The following APLF variants were observed in gnomAD, a reference collection of about 807,000 sequenced individuals.
The protein encoded by APLF is aprataxin and PNK-like factor.
Under a neutral mutation model 55.6 loss-of-function variants are expected in APLF, and 61 were observed. That is an observed-to-expected ratio of 1.10 (90% CI 0.89 to 1.36). The LOEUF is 1.36. Ranked by LOEUF, APLF falls within the 40% of genes most tolerant of loss-of-function variation. APLF has a pLI of 0.00. For missense variants in APLF, 611 were observed against 602.5 expected (o/e 1.01, Z -0.15); for synonymous variants, 207 against 214.8 (o/e 0.96, Z 0.32).
chr2:68,485,075 C>A (rs1179898038), intron 1 of APLF, among the ~76,000 whole-genome samples: 1 of 151,818 alleles, frequency 6.6e-6, no homozygotes, highest in African/African-American at 2.4e-5. Flanking sequence ...CACCTAAGAA[C>A]AAGGACATTT....
intron 8 of APLF, among the ~76,000 whole-genome samples, chr2:68,549,139 C>CAT (rs1670788895): frequency 6.6e-6 from 1 of 151,896 alleles, no homozygotes. Flanking sequence ...AAAAGATGGC[C>CAT]ATGTCTCTTA....
At position 68,571,507 on chromosome 2, in the gene APLF, A is replaced by G. The variant is rs527511835; in HGVS notation, c.1333+4120A>G. ...GGAAGGGATCCAGTTTCAGCTTTCTACATATGGCTAGCCAGTTTTCCCAGC... is the reference window on the plus strand; with the variant it reads ...GGAAGGGATCCAGTTTCAGCTTTCTGCATATGGCTAGCCAGTTTTCCCAGC... On this transcript the variant is annotated intron_variant, in intron 9 of 9. Transcript: ENST00000303795. 6.6e-5 allele frequency among the ~76,000 whole-genome samples: 10 copies of G among 152,218 alleles called. No homozygotes were observed. The East Asian group carries it at 1.5e-3, about 23-fold the overall frequency.
intron 1 of APLF, among the ~76,000 whole-genome samples, chr2:68,488,329 CTTTTT>C (rs60462016): frequency 7.8e-6 from 1 of 128,858 alleles, no homozygotes. Flanking sequence ...CATTTATTAT[CTTTTT>C]TTTTTTTTTT....
intron 8 of APLF, among the ~76,000 whole-genome samples, chr2:68,556,165 A>G (rs1671002245): frequency 6.6e-6 from 1 of 152,198 alleles, no homozygotes; most frequent in Admixed American, 6.5e-5. Context: ...GCAAAGGCAT[A>G]AGAAAGAAAG....
chr2:68,517,680 ATATGT>A (rs1226425235), intron 5 of APLF, among the ~76,000 whole-genome samples: 103 of 145,212 alleles, frequency 7.1e-4, no homozygotes, highest in African/African-American at 2.4e-3. Flanking sequence ...TATATCACTA[ATATGT>A]TATTAACATG....
intron 8 of APLF, among the ~76,000 whole-genome samples, chr2:68,561,359 C>T (rs556055334): frequency 3.9e-5 from 6 of 152,090 alleles, no homozygotes; most frequent in Non-Finnish European, 5.9e-5. Context: ...CTCTCCTGAT[C>T]TTGAAATCTG....
At chr2:68,534,897 C>A (rs1451881976) in intron 6 of APLF, among the ~76,000 whole-genome samples, 1 of 152,182 alleles carries the variant, frequency 6.6e-6, no homozygotes, top group African/African-American at 2.4e-5. Flanking sequence ...TATGTCTCAG[C>A]AAACTTACAA....
rs114394300 is a variant in APLF at position 68,539,768 on chromosome 2, C to G, written c.1160+1541C>G. ...ACTTCTTCAGTTTAATCAAGAATAT[C>G]TACAGAAACCAACAGCTAACTTCAT... On this transcript the variant is annotated intron_variant, in intron 7 of 9. Transcript: ENST00000303795. Among the ~76,000 whole-genome samples, 835 of 152,142 alleles carry G rather than the reference C, an allele frequency of 5.5e-3. 4 individuals are homozygous for G. The highest frequency in any genetic ancestry group is 0.019 in the African/African-American group (798 of 41,490).
chr2:68,468,104 C>T (rs775157066), intron 1 of APLF, among the ~76,000 whole-genome samples: 1 of 152,202 alleles, frequency 6.6e-6, no homozygotes, highest in Non-Finnish European at 1.5e-5. Context: ...GTTTGTATGG[C>T]CCCATGAACT....
intron 1 of APLF, among the ~76,000 whole-genome samples, chr2:68,485,971 C>A (rs1407837728): frequency 6.6e-6 from 1 of 151,900 alleles, no homozygotes; most frequent in Non-Finnish European, 1.5e-5. Flanking sequence ...ACATGCCACC[C>A]TGTCCAACTA....
At chr2:68,568,162 G>A (rs1203839604) in intron 9 of APLF, 1 of 551,386 alleles carries the variant, frequency 1.8e-6, no homozygotes, top group African/African-American at 2.1e-5. Flanking sequence ...TTTACCTTCT[G>A]TTTGTTATGC....
chr2:68,559,025 A>G (rs1211071584), intron 8 of APLF, among the ~76,000 whole-genome samples: 4 of 152,216 alleles, frequency 2.6e-5, no homozygotes, highest in African/African-American at 7.2e-5. Flanking sequence ...GTTAATCTTT[A>G]GGTACTTCTT....
chr2:68,564,106 A>T (rs1338181637), intron 8 of APLF, among the ~76,000 whole-genome samples: 1 of 152,026 alleles, frequency 6.6e-6, no homozygotes, highest in East Asian at 1.9e-4. Flanking sequence ...TCCGTTCCTG[A>T]TGCCCAGCAC....
At chr2:68,490,820 A>C (rs1030887215) in intron 2 of APLF, among the ~76,000 whole-genome samples, 10 of 152,196 alleles carry the variant, frequency 6.6e-5, no homozygotes, top group Non-Finnish European at 1.5e-4. Context: ...AAGAATATAC[A>C]ATGTGATTAT....
At chr2:68,558,994 T>A (rs1476799424) in intron 8 of APLF, among the ~76,000 whole-genome samples, 1 of 152,206 alleles carries the variant, frequency 6.6e-6, no homozygotes, top group African/African-American at 2.4e-5. Context: ...ACTATTATTC[T>A]GTTGTTGCTA....
At chr2:68,539,304 CAG>C (rs763524367) in intron 7 of APLF, among the ~76,000 whole-genome samples, 4 of 152,142 alleles carry the variant, frequency 2.6e-5, no homozygotes, top group Non-Finnish European at 2.9e-5. Context: ...GCTTAAAAAA[CAG>C]AAATGTATTT....
intron 8 of APLF, among the ~76,000 whole-genome samples, chr2:68,566,690 A>C (rs1374876430): frequency 2.6e-5 from 4 of 152,094 alleles, no homozygotes; most frequent in African/African-American, 9.7e-5. Context: ...TATTTGGAGA[A>C]TGTCTTGTAC....
chr2:68,484,109 T>TCAC (rs1676054150), intron 1 of APLF, among the ~76,000 whole-genome samples: 1 of 152,156 alleles, frequency 6.6e-6, no homozygotes, highest in Admixed American at 6.5e-5. Context: ...TTTCTGCTCA[T>TCAC]CACATAAGAA....
Position 68,467,628 on chromosome 2 carries a change from C to T in APLF, c.-104C>T, listed in dbSNP as rs1675468484. 2.1e-6 allele frequency: 2 copies of T among 963,538 alleles called. No individual in the cohort carries two copies. The highest frequency in any genetic ancestry group is 4.3e-5 in the Admixed American group (1 of 23,346). The allele number at this position is 963,538 out of a possible 1,614,324, so 59.7% of individuals were successfully genotyped here. A position where few individuals can be genotyped will look rare whatever the true frequency, so the allele number is the denominator to read the frequency against. On this transcript the variant is annotated 5_prime_UTR_variant, in exon 1 of 10. Coordinates refer to ENST00000303795, the MANE Select transcript of APLF (RefSeq NM_173545.3). The stretch of plus-strand genomic sequence containing the variant: ...GCGGGGAGCCTTTGAGGCCCTCCCT[C>T]GGTGTTTTTTCCCAGGGCGTGGGCT...
Sources: gnomAD v4.1 joint callset for allele counts (sites outside exome capture counted in the v4.1 genomes callset) on GRCh38, gnomAD v4.1.1 for gene constraint, MANE v1.5 for transcripts, NCBI Gene and HGNC (gene_info 2026-07-23, HGNC 2026-07-21) for gene names.